The following DPF2 variants were observed in gnomAD, a reference collection of about 807,000 sequenced individuals.
The protein encoded by DPF2 is zinc finger protein ubi-d4.
In DPF2, 10 loss-of-function variants were observed where a neutral mutation model predicts 59.6. The observed-to-expected ratio is 0.17, with a 90% CI of 0.10 to 0.28. The LOEUF is 0.28. Ranked by LOEUF, DPF2 falls within the 10% of genes least tolerant of loss-of-function variation. The pLI is 1.00. For missense variants in DPF2, 315 were observed against 509.4 expected, an observed-to-expected ratio of 0.62 and a Z score of 3.67; for synonymous variants, 189 against 190.6, an observed-to-expected ratio of 0.99 and a Z score of 0.07.
chr11:65,335,436 G>C (rs1950082870), intron 1 of DPF2, among the ~76,000 whole-genome samples: 4 of 152,142 alleles, frequency 2.6e-5, no homozygotes, highest in South Asian at 4.1e-4. Context: ...GAGGTTCTTC[G>C]TGTTGGAAGA....
At chr11:65,335,448 T>G (rs1316976464) in intron 1 of DPF2, among the ~76,000 whole-genome samples, 1 of 152,170 alleles carries the variant, frequency 6.6e-6, no homozygotes, top group Non-Finnish European at 1.5e-5. Flanking sequence ...GTTGGAAGAT[T>G]TTCCTCAGAG....
intron 9 of DPF2, chr11:65,346,970 G>A (rs1854550356): frequency 6.6e-6 from 1 of 152,234 alleles, no homozygotes; most frequent in Admixed American, 6.5e-5. Context: ...GGACACTGTT[G>A]AAGGGTTTTA....
chr11:65,343,558 T>G, intron 4 of DPF2, 187 bp from the exon 5 acceptor site: 1 of 596,886 alleles, frequency 1.7e-6, no homozygotes, highest in Non-Finnish European at 3.0e-6. Context: ...AGGGGAAAGA[T>G]ATCCCAAAGT....
chr11:65,333,855 G>A lies in DPF2; in HGVS notation c.-32G>A, dbSNP rs1376080014. On this transcript the variant is annotated 5_prime_UTR_variant, in exon 1 of 11. Transcript: ENST00000528416. ...GCGCCTGCGCGCTGCGGACTGTGGG[G>A]CTTCTCGGCCCGAGGCAGAGGAACA... 1.2e-6 allele frequency: 2 copies of A among 1,613,410 alleles called. No individual in the cohort carries two copies. The highest frequency in any genetic ancestry group is 1.3e-5 in the African/African-American group (1 of 74,942).
At position 65,344,077 on chromosome 11, in the gene DPF2, C is replaced by T; in HGVS notation, c.637+8C>T. Reference sequence around the variant, plus strand: ...AGCCCTATGCCTGTGACAGTGAGTGCCTCACAAGTGGGTGGGTAGACCTTG... The same window carrying T: ...AGCCCTATGCCTGTGACAGTGAGTGTCTCACAAGTGGGTGGGTAGACCTTG... On this transcript the variant is annotated splice_region_variant and intron_variant, in intron 6 of 10. Coordinates refer to ENST00000528416, the MANE Select transcript of DPF2 (RefSeq NM_006268.5). The T allele has an allele frequency of 6.2e-7, 1 of 1,613,962 alleles. No individual in the cohort carries two copies. The highest frequency in any genetic ancestry group is 8.5e-7 in the Non-Finnish European group (1 of 1,179,894).
chr11:65,351,842 C>T lies in DPF2; in HGVS notation c.*83C>T. 6.9e-7 allele frequency: 1 copy of T among 1,454,690 alleles called. No homozygotes were observed. The highest frequency in any genetic ancestry group is 9.6e-7 in the Non-Finnish European group (1 of 1,045,090). 90.1% of individuals were successfully genotyped at this position (1,454,690 alleles called of 1,614,324 possible). ...ATTTCATACCCATCTTTCCCTTCTT[C>T]CTCCTCTCCTTCACAAATCCAGAGA... is the stretch of plus-strand genomic sequence containing the variant. On this transcript the variant is annotated 3_prime_UTR_variant, in exon 11 of 11. Coordinates refer to ENST00000528416, the MANE Select transcript of DPF2 (RefSeq NM_006268.5).
At chr11:65,347,440 C>G (rs1159544136) in intron 9 of DPF2, 1 of 151,784 alleles carries the variant, frequency 6.6e-6, no homozygotes, top group Non-Finnish European at 1.5e-5. Context: ...GCAGTACAAT[C>G]CTCCCACCTC....
At chr11:65,341,347 C>T (rs986429658) in intron 3 of DPF2, 52 bp from the exon 4 acceptor site, 44 of 1,608,538 alleles carry the variant, frequency 2.7e-5, no homozygotes, top group Non-Finnish European at 3.7e-5. Flanking sequence ...GGACTCAGAG[C>T]AGTCTGCTTT....
Position 65,351,826 on chromosome 11 carries a change from C to A in DPF2, c.*67C>A. 6.6e-7 allele frequency: 1 copy of A among 1,520,578 alleles called. No individual in the cohort carries two copies. The highest frequency in any genetic ancestry group is 9.1e-7 in the Non-Finnish European group (1 of 1,098,310). The allele number at this position is 1,520,578 out of a possible 1,614,324, so 94.2% of individuals were successfully genotyped here. A position where few individuals can be genotyped will look rare whatever the true frequency, so the allele number is the denominator to read the frequency against. On this transcript the variant is annotated 3_prime_UTR_variant, in exon 11 of 11. Coordinates refer to ENST00000528416, the MANE Select transcript of DPF2 (RefSeq NM_006268.5). ...CTCTCCTCCACTTCATATTTCATAC[C>A]CATCTTTCCCTTCTTCCTCCTCTCC...
chr11:65,344,308 G>C (rs1854465862), intron 6 of DPF2: 8 of 615,930 alleles, frequency 1.3e-5, no homozygotes, highest in South Asian at 1.2e-4. Context: ...GGTTGCTTGT[G>C]GGGGCCACAG....
At chr11:65,344,487 TTC>T (rs1460896798) in intron 6 of DPF2, 8 of 1,302,212 alleles carry the variant, frequency 6.1e-6, no homozygotes, top group Non-Finnish European at 8.5e-6. Context: ...CCGCTGGGGT[TTC>T]TCTCTCGTTT....
intron 10 of DPF2, among the ~76,000 whole-genome samples, chr11:65,349,185 C>T (rs1458001708): frequency 6.6e-6 from 1 of 152,080 alleles, no homozygotes; most frequent in African/African-American, 2.4e-5. Flanking sequence ...GATCAGGCAC[C>T]CAGAAGGAAT....
At chr11:65,335,122 T>C (rs1950079384) in intron 1 of DPF2, among the ~76,000 whole-genome samples, 2 of 151,290 alleles carry the variant, frequency 1.3e-5, no homozygotes, top group Non-Finnish European at 2.9e-5. Context: ...TCCTGCTGTC[T>C]CTTTCAGCCA....
intron 9 of DPF2, chr11:65,348,610 GGAAA>G: frequency 2.8e-6 from 1 of 358,416 alleles, no homozygotes; most frequent in East Asian, 4.3e-5. Flanking sequence ...TGGGCTTTAG[GGAAA>G]AAAAAAAAAA....
chr11:65,349,954 C>G (rs1178388796), intron 10 of DPF2, among the ~76,000 whole-genome samples: 1 of 152,168 alleles, frequency 6.6e-6, no homozygotes, highest in African/African-American at 2.4e-5. Flanking sequence ...ATCGGTCAAA[C>G]TGCTGTCACC....
In DPF2 at chr11:65,352,925, T is replaced by C. The variant is rs1442922725; in HGVS notation, c.*1166T>C. 6.6e-6 allele frequency: 1 copy of C among 152,222 alleles called. No homozygotes were observed. Among genetic ancestry groups the C allele is most frequent in the Non-Finnish European group, 1.5e-5 (1 of 68,044 alleles). 9.4% of individuals were successfully genotyped at this position (152,222 alleles called of 1,614,324 possible). On this transcript the variant is annotated 3_prime_UTR_variant, in exon 11 of 11. Transcript: ENST00000528416. ...TTGGAGTTGAGGTGTCTTTTTTTTTTCTTTCTTTAGTTCCTGTATTCTAAA... is the reference window on the plus strand; with the variant it reads ...TTGGAGTTGAGGTGTCTTTTTTTTTCCTTTCTTTAGTTCCTGTATTCTAAA...
intron 9 of DPF2, 122 bp downstream of exon 9, chr11:65,346,481 G>A (rs955948867): frequency 1.3e-6 from 1 of 785,470 alleles, no homozygotes; most frequent in South Asian, 1.7e-5. Flanking sequence ...CATGCCACAC[G>A]CCCCTCCCTA....
chr11:65,339,224 T>C (rs1249319574), intron 1 of DPF2, among the ~76,000 whole-genome samples: 1 of 150,534 alleles, frequency 6.6e-6, no homozygotes, highest in Non-Finnish European at 1.5e-5. Flanking sequence ...TTGGGCAACA[T>C]AGTGAGACCT....
intron 8 of DPF2, 23 bp from the exon 9 acceptor site, chr11:65,346,224 C>T (rs757235832): frequency 4.8e-5 from 78 of 1,612,332 alleles, no homozygotes; most frequent in Non-Finnish European, 6.4e-5. Context: ...GACTGTCTGT[C>T]TCACTCACTT....
Sources: gnomAD v4.1 joint callset for allele counts (sites outside exome capture counted in the v4.1 genomes callset) on GRCh38, gnomAD v4.1.1 for gene constraint, MANE v1.5 for transcripts, NCBI Gene and HGNC (gene_info 2026-07-23, HGNC 2026-07-21) for gene names.